SPTBN1: variants seen among roughly 807,000 people sequenced by gnomAD.
SPTBN1 encodes the protein spectrin beta, non-erythrocytic 1, also known as spectrin beta chain, non-erythrocytic 1.
In SPTBN1, 32 loss-of-function variants were observed where a neutral mutation model predicts 266.4. The ratio of observed to expected loss-of-function variants is 0.12; its 90% confidence interval spans 0.09 to 0.16. The LOEUF (loss-of-function observed/expected upper bound fraction) is 0.16. SPTBN1 is among the 10% of genes least tolerant of loss of function. The pLI is 1.00. For synonymous variants in SPTBN1, 1,336 were observed against 1,162.2 expected, an observed-to-expected ratio of 1.15 and a Z score of -3.04; for missense variants, 2,296 against 3,067.1, an observed-to-expected ratio of 0.75 and a Z score of 5.94.
chr2:54,644,605 A>T lies in SPTBN1; in HGVS notation c.4269+19A>T. 6.3e-7 allele frequency: 1 copy of T among 1,592,132 alleles called. No individual in the cohort carries two copies. The highest frequency in any genetic ancestry group is 8.6e-7 in the Non-Finnish European group (1 of 1,164,318). On this transcript the variant is annotated intron_variant, in intron 20 of 35. Transcript: ENST00000356805. ...GCAACAGGCAAGTGGACAAGCCATC[A>T]TGGACTTGGGTGTATTTCTGTTTTA...
chr2:54,469,624 T>C (rs574894206), intron 1 of SPTBN1, among the ~76,000 whole-genome samples: 2 of 152,318 alleles, frequency 1.3e-5, no homozygotes, highest in South Asian at 4.1e-4. Flanking sequence ...ATGTTAGGTC[T>C]TGACACTTGG....
At chr2:54,482,812 C>T (rs1668166312) in intron 1 of SPTBN1, among the ~76,000 whole-genome samples, 1 of 152,146 alleles carries the variant, frequency 6.6e-6, no homozygotes, top group Non-Finnish European at 1.5e-5. Flanking sequence ...AGAAGCCTGA[C>T]ACAGGAAGGA....
chr2:54,476,137 C>T (rs182870360), intron 1 of SPTBN1, among the ~76,000 whole-genome samples: 18 of 148,016 alleles, frequency 1.2e-4, no homozygotes, highest in South Asian at 4.4e-4. Flanking sequence ...CTCACAGATG[C>T]GTATTTTCCA....
At chr2:54,642,832 G>T in intron 18 of SPTBN1, 151 bp from the exon 19 acceptor site, 1 of 884,810 alleles carries the variant, frequency 1.1e-6, no homozygotes, top group Non-Finnish European at 1.7e-6. Context: ...CTGTCATGAC[G>T]GGTCAGAGTT....
At chr2:54,543,252 C>T (rs760359179) in intron 2 of SPTBN1, among the ~76,000 whole-genome samples, 1 of 152,184 alleles carries the variant, frequency 6.6e-6, no homozygotes, top group Non-Finnish European at 1.5e-5. Flanking sequence ...GGGAATGTTG[C>T]AGGAACTTAA....
intron 1 of SPTBN1, among the ~76,000 whole-genome samples, chr2:54,488,694 T>C (rs1201594657): frequency 6.6e-6 from 1 of 152,130 alleles, no homozygotes; most frequent in African/African-American, 2.4e-5. Flanking sequence ...AAAAGTCTTA[T>C]CTCCTGATGT....
intron 2 of SPTBN1, among the ~76,000 whole-genome samples, chr2:54,529,038 A>G (rs1671026747): frequency 6.6e-6 from 1 of 152,252 alleles, no homozygotes; most frequent in Non-Finnish European, 1.5e-5. Flanking sequence ...TGCTGATAGC[A>G]GGAGTTACAG....
chr2:54,570,200 C>A (rs1407857054), intron 2 of SPTBN1, among the ~76,000 whole-genome samples: 1 of 152,176 alleles, frequency 6.6e-6, no homozygotes, highest in Non-Finnish European at 1.5e-5. Flanking sequence ...TGTTGAATGC[C>A]TCTACTGTGT....
At chr2:54,489,690 G>A (rs1668585972) in intron 1 of SPTBN1, among the ~76,000 whole-genome samples, 1 of 152,052 alleles carries the variant, frequency 6.6e-6, no homozygotes, top group South Asian at 2.1e-4. Flanking sequence ...CAGAGAGAGG[G>A]CACCCTGTCT....
At position 54,664,970 on chromosome 2, in the gene SPTBN1, T is replaced by G. The variant is rs1681278351; in HGVS notation, c.6659+279T>G. The G allele has an allele frequency of 2.6e-6, 1 of 389,880 alleles. No individual in the cohort carries two copies. The highest frequency in any genetic ancestry group is 2.0e-5 in the African/African-American group (1 of 49,710). 24.2% of individuals were successfully genotyped at this position (389,880 alleles called of 1,614,324 possible). A position where few individuals can be genotyped will look rare whatever the true frequency, so the allele number is the denominator to read the frequency against. The stretch of plus-strand genomic sequence containing the variant: ...TTTGCTAGATTGAGACTGAAGAGTC[T>G]TCTTTACTTTAAGTGATTGATTTCA... On this transcript the variant is annotated intron_variant, in intron 33 of 35. Coordinates refer to ENST00000356805, the MANE Select transcript of SPTBN1 (RefSeq NM_003128.3). This position sits in a 1 kb window ranked among gnomAD's most constrained non-coding sequence, Gnocchi z 5.6.
chr2:54,535,223 A>T (rs1671531256), intron 2 of SPTBN1: 1 of 152,258 alleles, frequency 6.6e-6, no homozygotes, highest in African/African-American at 2.4e-5. Context: ...ATGTTCTCTC[A>T]CACACACATA....
In SPTBN1 at chr2:54,645,799, G is replaced by A. The variant is rs1223648923; in HGVS notation, c.4495-129G>A. 11 of 957,980 alleles carry A rather than the reference G, an allele frequency of 1.1e-5. No individual in the cohort carries two copies. The highest frequency in any genetic ancestry group is 1.6e-5 in the African/African-American group (1 of 61,468). The allele number at this position is 957,980 out of a possible 1,614,324, so 59.3% of individuals were successfully genotyped here. A position where few individuals can be genotyped will look rare whatever the true frequency, so the allele number is the denominator to read the frequency against. ...GAACAAGGGCGTGCTTCCCCAGACA[G>A]CCCTCCCGAGGGGGCTGAGCACTCT... On this transcript the variant is annotated intron_variant, in intron 21 of 35. Transcript: ENST00000356805. The surrounding 1 kb of genome is among the most constrained non-coding windows in gnomAD (Gnocchi z 4.3).
intron 1 of SPTBN1, among the ~76,000 whole-genome samples, chr2:54,484,906 A>G (rs1668274291): frequency 6.6e-6 from 1 of 151,822 alleles, no homozygotes; most frequent in South Asian, 2.1e-4. Flanking sequence ...ACTTCCTGAT[A>G]TAGTATGTCA....
At position 54,649,637 on chromosome 2, in the gene SPTBN1, A is replaced by C; in HGVS notation, c.5225A>C (p.Glu1742Ala). 7 of 1,609,740 alleles carry C rather than the reference A, an allele frequency of 4.3e-6. No individual in the cohort carries two copies. The highest frequency in any genetic ancestry group is 6.0e-6 in the Non-Finnish European group (7 of 1,176,162). The change falls in exon 26 of 36, where the codon GAG (glutamate) becomes GCG (alanine). Residue 1742 changes from glutamate to alanine, a missense_variant. Coordinates refer to ENST00000356805, the MANE Select transcript of SPTBN1 (RefSeq NM_003128.3). This position sits in a 1 kb window ranked among gnomAD's most constrained non-coding sequence, Gnocchi z 6.7. ...CAGATGTTACAAGAACGATTCCGGG[A>C]GTTTGCCCGAGACACCGGGAACATT... ...HVTMLQERFR[E>A]FARDTGNIGQ...
intron 32 of SPTBN1, chr2:54,660,871 G>A (rs773318156): frequency 1.6e-5 from 16 of 985,260 alleles, no homozygotes; most frequent in Non-Finnish European, 1.7e-5. Context: ...GGTGACAGCC[G>A]TTCTCAGCAT....
At chr2:54,560,194 G>C (rs1178376097) in intron 2 of SPTBN1, among the ~76,000 whole-genome samples, 2 of 144,344 alleles carry the variant, frequency 1.4e-5, no homozygotes, top group Non-Finnish European at 3.0e-5. Context: ...GGGTGGGGGG[G>C]GGCGTTCATT....
At position 54,554,739 on chromosome 2, in the gene SPTBN1, C is replaced by T. The variant is rs1018797724; in HGVS notation, c.148+28173C>T. Among the ~76,000 whole-genome samples, 5 of 152,212 alleles carry T rather than the reference C, an allele frequency of 3.3e-5. No homozygotes were observed. Among genetic ancestry groups the T allele is most frequent in the African/African-American group, 1.2e-4 (5 of 41,456 alleles). On this transcript the variant is annotated intron_variant, in intron 2 of 35. Transcript: ENST00000356805. The surrounding 1 kb of genome is among the most constrained non-coding windows in gnomAD (Gnocchi z 4.5). Reference sequence around the variant, plus strand: ...TGAGTCTTTCCACCAGCCCACAGCACTTTTGATCTGTTCCATCCATATCTT... The same window carrying T: ...TGAGTCTTTCCACCAGCCCACAGCATTTTTGATCTGTTCCATCCATATCTT...
chr2:54,643,156 T>A, intron 19 of SPTBN1, 27 bp downstream of exon 19: 1 of 1,613,254 alleles, frequency 6.2e-7, no homozygotes, highest in Non-Finnish European at 8.5e-7. Flanking sequence ...GATGTGGCCA[T>A]GGTGAGAAAA....
rs1558764067 is a variant in SPTBN1 at position 54,481,435 on chromosome 2, TGTGTG to T, written c.-48+24918_-48+24922del. On this transcript the variant is annotated intron_variant, in intron 1 of 35. Coordinates refer to ENST00000356805, the MANE Select transcript of SPTBN1 (RefSeq NM_003128.3). ...GTGTGTGTGTGTGTGTGTGTGTGTG[TGTGTG>T]TTTTGTTTTGTTTGTTTGTTTGTTT... Among the ~76,000 whole-genome samples the T allele has an allele frequency of 3.8e-3, 328 of 87,408 alleles. 2 individuals are homozygous for T. The highest frequency in any genetic ancestry group is 0.017 in the African/African-American group (300 of 17,152). The allele number at this position is 87,408 out of a possible 152,430, so 57.3% of individuals were successfully genotyped here. A position where few individuals can be genotyped will look rare whatever the true frequency, so the allele number is the denominator to read the frequency against.
Sources: gnomAD v4.1 joint callset for allele counts (sites outside exome capture counted in the v4.1 genomes callset) on GRCh38, gnomAD v4.1.1 for gene constraint, Gnocchi (gnomAD v3.1) non-coding constraint, MANE v1.5 for transcripts, NCBI Gene and HGNC (gene_info 2026-07-23, HGNC 2026-07-21) for gene names.